LRBA: variants seen among roughly 807,000 people sequenced by gnomAD.
The protein encoded by LRBA is LPS responsive beige-like anchor protein.
LRBA carries 176 observed loss-of-function variants against 330.0 expected under a neutral mutation model. The ratio of observed to expected loss-of-function variants is 0.53; its 90% CI spans 0.47 to 0.60. The LOEUF (loss-of-function observed/expected upper bound fraction) is 0.60, where lower values mean the gene tolerates loss of function less well. Among genes scored for constraint, LRBA ranks in the 20% least tolerant of loss-of-function variants. LRBA has a pLI of 0.00. For synonymous variants in LRBA, 1,230 were observed against 1,193.0 expected (o/e 1.03, Z -0.64); for missense variants, 3,259 against 3,444.8 (o/e 0.95, Z 1.35).
At chr4:150,711,575 T>C (rs985880301) in intron 36 of LRBA, among the ~76,000 whole-genome samples, 1 of 152,096 alleles carries the variant, frequency 6.6e-6, no homozygotes, top group African/African-American at 2.4e-5. Context: ...ATTTCAAGAG[T>C]TGTATTTTTA....
At chr4:151,001,986 T>C (rs76331183) in intron 2 of LRBA, among the ~76,000 whole-genome samples, 44 of 151,680 alleles carry the variant, frequency 2.9e-4, no homozygotes, top group African/African-American at 1.0e-3. Flanking sequence ...CAGACGCCAC[T>C]GACACTGTTT....
At chr4:150,879,095 G>C (rs1728082765) in intron 17 of LRBA, among the ~76,000 whole-genome samples, 2 of 152,044 alleles carry the variant, frequency 1.3e-5, no homozygotes, top group Non-Finnish European at 2.9e-5. Context: ...CAATATCCCT[G>C]ATGAACACAG....
At chr4:150,314,333 G>A (rs2126894832) in intron 51 of LRBA, among the ~76,000 whole-genome samples, 1 of 152,022 alleles carries the variant, frequency 6.6e-6, no homozygotes, top group East Asian at 1.9e-4. Context: ...CAAGATTTAA[G>A]AACCAGAGTG....
chr4:150,838,647 C>A (rs563982176), intron 28 of LRBA, among the ~76,000 whole-genome samples: 8 of 152,250 alleles, frequency 5.3e-5, no homozygotes, highest in Non-Finnish European at 1.2e-4. Context: ...TCCATCAGGT[C>A]CTTTAAGGAC....
intron 2 of LRBA, among the ~76,000 whole-genome samples, chr4:150,990,707 G>T (rs936622803): frequency 2.9e-4 from 44 of 152,138 alleles, no homozygotes; most frequent in African/African-American, 1.0e-3. Flanking sequence ...GTGTACTTCA[G>T]CCTGGGTGAC....
At chr4:150,686,517 T>C (rs1561515506) in intron 36 of LRBA, among the ~76,000 whole-genome samples, 1 of 152,218 alleles carries the variant, frequency 6.6e-6, no homozygotes, top group Non-Finnish European at 1.5e-5. Flanking sequence ...TGATATGTCA[T>C]TTTTTATATA....
chr4:150,472,319 CAA>C (rs1000049723), intron 42 of LRBA, among the ~76,000 whole-genome samples: 2 of 151,870 alleles, frequency 1.3e-5, no homozygotes, highest in East Asian at 1.9e-4. Flanking sequence ...CTGATCAATA[CAA>C]AGAGTAGTGA....
chr4:150,267,569 A>C (rs182520607), intron 56 of LRBA, among the ~76,000 whole-genome samples: 1 of 152,212 alleles, frequency 6.6e-6, no homozygotes. Flanking sequence ...AGATTTAAAA[A>C]TATCTCAAAT....
chr4:150,750,465 A>C (rs1446461050), intron 35 of LRBA, among the ~76,000 whole-genome samples: 2 of 152,194 alleles, frequency 1.3e-5, no homozygotes, highest in African/African-American at 4.8e-5. Context: ...TCTATCCTAT[A>C]AAGACCTTTA....
chr4:150,697,335 A>ACAAC (rs1208353113), intron 36 of LRBA, among the ~76,000 whole-genome samples: 3 of 147,154 alleles, frequency 2.0e-5, no homozygotes, highest in African/African-American at 7.5e-5. Context: ...GAAAAAAAAA[A>ACAAC]AAAAAAAAAA....
intron 40 of LRBA, chr4:150,582,532 G>A: frequency 6.2e-6 from 1 of 160,630 alleles, no homozygotes; most frequent in Non-Finnish European, 1.4e-5. Flanking sequence ...AGTCCTATCA[G>A]CGTGGAAGAG....
chr4:151,011,461 C>T (rs1041079463), intron 2 of LRBA, among the ~76,000 whole-genome samples: 11 of 151,244 alleles, frequency 7.3e-5, no homozygotes, highest in African/African-American at 2.7e-4. Context: ...AGTCGGGCCT[C>T]ATGGCGCACG....
At chr4:150,631,458 T>C (rs1398447019) in intron 37 of LRBA, among the ~76,000 whole-genome samples, 3 of 152,156 alleles carry the variant, frequency 2.0e-5, no homozygotes, top group Non-Finnish European at 4.4e-5. Flanking sequence ...GAAAAATTGA[T>C]TTATCATTTT....
At chr4:150,514,076 T>C (rs1762094418) in intron 40 of LRBA, among the ~76,000 whole-genome samples, 1 of 152,152 alleles carries the variant, frequency 6.6e-6, no homozygotes, top group Admixed American at 6.5e-5. Flanking sequence ...TGTTGTTTTG[T>C]TTTGTTTGTT....
chr4:150,806,861 A>G (rs1308773681), intron 32 of LRBA, among the ~76,000 whole-genome samples: 1 of 151,796 alleles, frequency 6.6e-6, no homozygotes, highest in Non-Finnish European at 1.5e-5. Flanking sequence ...AATTATAAAA[A>G]GCAGTTCTTT....
chr4:150,765,027 T>C (rs1446568649), intron 34 of LRBA, among the ~76,000 whole-genome samples: 1 of 151,782 alleles, frequency 6.6e-6, no homozygotes, highest in Non-Finnish European at 1.5e-5. Context: ...CAAAATGTCC[T>C]TCAGAAGGCG....
intron 2 of LRBA, among the ~76,000 whole-genome samples, chr4:150,960,489 A>C (rs1017928116): frequency 1.3e-5 from 2 of 149,142 alleles, no homozygotes; most frequent in Non-Finnish European, 2.9e-5. Flanking sequence ...GACTTAAAAA[A>C]CGTGTTTTTT....
intron 40 of LRBA, among the ~76,000 whole-genome samples, chr4:150,535,105 TCTC>T (rs2152210573): frequency 6.6e-6 from 1 of 152,308 alleles, no homozygotes; most frequent in South Asian, 2.1e-4. Context: ...TCCTGAGCCT[TCTC>T]CTCTTACCTT....
intron 9 of LRBA, among the ~76,000 whole-genome samples, chr4:150,912,434 T>A (rs1732109192): frequency 6.6e-6 from 1 of 152,228 alleles, no homozygotes; most frequent in Admixed American, 6.5e-5. Context: ...CTGTCTCCCA[T>A]CACCCCCGGA....
Sources: gnomAD v4.1 joint callset for allele counts (sites outside exome capture counted in the v4.1 genomes callset) on GRCh38, gnomAD v4.1.1 for gene constraint, MANE v1.5 for transcripts, NCBI Gene and HGNC (gene_info 2026-07-23, HGNC 2026-07-21) for gene names.